The following ADAM12 variants were observed in gnomAD, a reference collection of about 807,000 sequenced individuals.
ADAM12 encodes disintegrin and metalloproteinase domain-containing protein 12.
Under a neutral mutation model 106.4 loss-of-function variants are expected in ADAM12, and 70 were observed. The ratio of observed to expected loss-of-function variants is 0.66; its 90% CI spans 0.54 to 0.80. The LOEUF (loss-of-function observed/expected upper bound fraction) is 0.80. ADAM12 is among the 30% of genes least tolerant of loss of function. The pLI, the probability that ADAM12 is intolerant of heterozygous loss-of-function variation, is 0.00. For synonymous variants in ADAM12, 420 were observed against 433.5 expected (o/e 0.97, Z 0.39); for missense variants, 1,010 against 1,171.9 (o/e 0.86, Z 2.02).
chr10:126,289,238 CT>C (rs1960032973), intron 2 of ADAM12, among the ~76,000 whole-genome samples: 1 of 152,226 alleles, frequency 6.6e-6, no homozygotes, highest in Admixed American at 6.5e-5. Flanking sequence ...GTGGGACCAC[CT>C]CCTCAGACCT....
At position 126,064,251 on chromosome 10, in the gene ADAM12, G is replaced by A. The variant is rs552032670; in HGVS notation, c.1609+555C>T. On this transcript the variant is annotated intron_variant, in intron 14 of 22. Coordinates refer to ENST00000448723, the MANE Select transcript of ADAM12 (RefSeq NM_001288973.2). This position sits in a 1 kb window ranked among gnomAD's most constrained non-coding sequence, Gnocchi z 4.4. ...ACTCACTGCTGCTCTCAGGCCTTCT[G>A]ATTACAGACACACTCATGCTTCAAG... Among the ~76,000 whole-genome samples the A allele has an allele frequency of 1.3e-3, 200 of 152,236 alleles. No homozygotes were observed. The highest frequency in any genetic ancestry group is 2.7e-3 in the Admixed American group (41 of 15,302).
intron 6 of ADAM12, among the ~76,000 whole-genome samples, chr10:126,114,417 T>C (rs958601905): frequency 1.3e-5 from 2 of 152,174 alleles, no homozygotes; most frequent in Admixed American, 1.3e-4. Context: ...CTCACATAAA[T>C]AGATATTCAA....
At chr10:126,263,981 G>C (rs1481069495) in intron 3 of ADAM12, among the ~76,000 whole-genome samples, 1 of 152,078 alleles carries the variant, frequency 6.6e-6, no homozygotes, top group Non-Finnish European at 1.5e-5. Context: ...AAATATAAAT[G>C]AATTTTAAAC....
chr10:126,329,783 C>G (rs1590788716), intron 2 of ADAM12, among the ~76,000 whole-genome samples: 1 of 152,088 alleles, frequency 6.6e-6, no homozygotes, highest in African/African-American at 2.4e-5. Context: ...ATGCAAGGAC[C>G]AAGCCATCTG....
At chr10:126,219,102 A>G (rs1958042315) in intron 3 of ADAM12, among the ~76,000 whole-genome samples, 1 of 152,232 alleles carries the variant, frequency 6.6e-6, no homozygotes, top group South Asian at 2.1e-4. Flanking sequence ...CACAGGTCCC[A>G]TGCTTTGCTC....
At chr10:126,136,052 A>G (rs1480499873) in intron 4 of ADAM12, among the ~76,000 whole-genome samples, 2 of 152,124 alleles carry the variant, frequency 1.3e-5, no homozygotes, top group Non-Finnish European at 2.9e-5. Context: ...ACACTGTGAA[A>G]TGTAATAAAA....
chr10:126,162,257 G>C (rs1480738646), intron 3 of ADAM12, among the ~76,000 whole-genome samples: 1 of 152,170 alleles, frequency 6.6e-6, no homozygotes, highest in East Asian at 1.9e-4. Context: ...GGGAAAGATG[G>C]GGAAGAATGA....
At chr10:126,270,606 T>C (rs1256402979) in intron 3 of ADAM12, among the ~76,000 whole-genome samples, 4 of 152,120 alleles carry the variant, frequency 2.6e-5, no homozygotes, top group Non-Finnish European at 4.4e-5. Context: ...GCAGAATGTG[T>C]TAAAAATATA....
intron 1 of ADAM12, among the ~76,000 whole-genome samples, chr10:126,385,181 T>C (rs914035052): frequency 3.3e-5 from 5 of 152,226 alleles, no homozygotes; most frequent in Non-Finnish European, 1.5e-5. Context: ...GTGTCCTCTC[T>C]AGATACGCCA....
At position 126,066,707 on chromosome 10, in the gene ADAM12, G is replaced by A. The variant is rs369718900; in HGVS notation, c.1413+10C>T. ...GACCTGGGGGTCAAGTTGTAGCTCC[G>A]GTGACTCACCTGGCAGTCTTCACAG... On this transcript the variant is annotated intron_variant, in intron 13 of 22. Transcript: ENST00000448723. This position sits in a 1 kb window ranked among gnomAD's most constrained non-coding sequence, Gnocchi z 5.1. 17 of 1,613,840 alleles carry A rather than the reference G, an allele frequency of 1.1e-5. No homozygotes were observed. Among genetic ancestry groups the A allele is most frequent in the South Asian group, 4.4e-5 (4 of 91,062 alleles).
At chr10:126,125,566 AT>A (rs1465397892) in intron 5 of ADAM12, among the ~76,000 whole-genome samples, 1 of 151,986 alleles carries the variant, frequency 6.6e-6, no homozygotes, top group Non-Finnish European at 1.5e-5. Context: ...TTTCTTTAAT[AT>A]TTACAGCAAT....
At chr10:126,112,140 A>G (rs926314136) in intron 6 of ADAM12, among the ~76,000 whole-genome samples, 2 of 152,044 alleles carry the variant, frequency 1.3e-5, no homozygotes, top group Non-Finnish European at 2.9e-5. Context: ...GCAAACTAAT[A>G]TAGGAACAGA....
intron 17 of ADAM12, among the ~76,000 whole-genome samples, chr10:126,044,480 G>A (rs1954262407): frequency 6.6e-6 from 1 of 152,118 alleles, no homozygotes; most frequent in Admixed American, 6.5e-5. Flanking sequence ...AAAAAGAAAC[G>A]AACTAGAAGT....
Position 126,067,483 on chromosome 10 carries a change from C to T in ADAM12, c.1324-677G>A, listed in dbSNP as rs79224380. 4.1e-3 allele frequency among the ~76,000 whole-genome samples: 628 copies of T among 152,382 alleles called. 8 individuals carry two copies. Among genetic ancestry groups the T allele is most frequent in the African/African-American group, 0.013 (557 of 41,582 alleles). On this transcript the variant is annotated intron_variant, in intron 12 of 22. Coordinates refer to ENST00000448723, the MANE Select transcript of ADAM12 (RefSeq NM_001288973.2). ...ATGGATAGTTCAAGCATTAGATGTA[C>T]TGTCCTCTCTGAAACAAAAGTGAGA...
At chr10:126,205,768 C>T (rs1957783964) in intron 3 of ADAM12, among the ~76,000 whole-genome samples, 10 of 152,230 alleles carry the variant, frequency 6.6e-5, no homozygotes, top group Admixed American at 6.5e-4. Flanking sequence ...CTCTTTAGTT[C>T]CAGATGATGT....
intron 3 of ADAM12, among the ~76,000 whole-genome samples, chr10:126,211,719 T>C (rs1027783027): frequency 6.6e-6 from 1 of 152,084 alleles, no homozygotes. Flanking sequence ...TCCTGGACCA[T>C]GTGATGCTGA....
intron 14 of ADAM12, among the ~76,000 whole-genome samples, chr10:126,052,910 G>C (rs971328732): frequency 1.3e-5 from 2 of 152,186 alleles, no homozygotes; most frequent in African/African-American, 4.8e-5. Context: ...TTCTGGGTCA[G>C]AGTGTGACGT....
In ADAM12 at chr10:126,221,910, T is replaced by C. The variant is rs1958101735; in HGVS notation, c.260+57005A>G. Among the ~76,000 whole-genome samples, 4 of 152,324 alleles carry C rather than the reference T, an allele frequency of 2.6e-5. No individual in the cohort carries two copies. The South Asian group carries it at 8.3e-4, about 32-fold the overall frequency. On this transcript the variant is annotated intron_variant, in intron 3 of 22. Coordinates refer to ENST00000448723, the MANE Select transcript of ADAM12 (RefSeq NM_001288973.2). ...GCATCTTGAGGCCAATGCTTCCCTC[T>C]AAACCACCAAACTGTCATAGACCCT... is the stretch of plus-strand genomic sequence containing the variant.
intron 11 of ADAM12, among the ~76,000 whole-genome samples, chr10:126,086,334 G>A (rs1293156133): frequency 6.6e-6 from 1 of 151,912 alleles, no homozygotes; most frequent in African/African-American, 2.4e-5. Flanking sequence ...ACTTAGGTCG[G>A]TCTGGAAAAA....
Sources: gnomAD v4.1 joint callset for allele counts (sites outside exome capture counted in the v4.1 genomes callset) on GRCh38, gnomAD v4.1.1 for gene constraint, Gnocchi (gnomAD v3.1) non-coding constraint, MANE v1.5 for transcripts, NCBI Gene and HGNC (gene_info 2026-07-23, HGNC 2026-07-21) for gene names.